HIBCH: variants seen among roughly 807,000 people sequenced by gnomAD.
HIBCH encodes 3-hydroxyisobutyryl-CoA hydrolase, also known as 3-hydroxyisobutyryl-CoA hydrolase, mitochondrial.
HIBCH carries 50 observed loss-of-function variants against 58.2 expected under a neutral mutation model. The ratio of observed to expected loss-of-function variants is 0.86; its 90% CI spans 0.68 to 1.09. The LOEUF is 1.09. Ranked by LOEUF, HIBCH falls within the 50% of genes least tolerant of loss-of-function variation. The pLI is 0.00. For synonymous variants in HIBCH, 151 were observed against 146.9 expected (o/e 1.03, Z -0.20); for missense variants, 450 against 449.7 (o/e 1.00, Z -0.01).
intron 9 of HIBCH, among the ~76,000 whole-genome samples, chr2:190,248,167 T>C (rs576355826): frequency 1.3e-5 from 2 of 152,330 alleles, no homozygotes; most frequent in Admixed American, 6.5e-5. Flanking sequence ...AGTGCCTTTG[T>C]TGTTTGTTTT....
chr2:190,276,696 A>G (rs1286027468), intron 6 of HIBCH, among the ~76,000 whole-genome samples: 1 of 152,190 alleles, frequency 6.6e-6, no homozygotes, highest in Non-Finnish European at 1.5e-5. Flanking sequence ...CCAGAAGCAG[A>G]TGCTAGTGCC....
chr2:190,223,955 G>A (rs555955280), intron 11 of HIBCH, among the ~76,000 whole-genome samples: 1 of 152,302 alleles, frequency 6.6e-6, no homozygotes, highest in East Asian at 1.9e-4. Flanking sequence ...GCAGGGCGGG[G>A]GATCGCCTCA....
chr2:190,278,965 T>A (rs1357081943), intron 6 of HIBCH, among the ~76,000 whole-genome samples: 1 of 152,212 alleles, frequency 6.6e-6, no homozygotes, highest in Non-Finnish European at 1.5e-5. Context: ...AAGTTTTCTG[T>A]TGCTGTAACT....
At chr2:190,307,602 G>A (rs1331673846) in intron 2 of HIBCH, among the ~76,000 whole-genome samples, 11 of 152,106 alleles carry the variant, frequency 7.2e-5, no homozygotes, top group Non-Finnish European at 7.4e-5. Flanking sequence ...CTAGGAGTTC[G>A]AGGCTACAGT....
chr2:190,255,124 T>C (rs1052697202), intron 7 of HIBCH, among the ~76,000 whole-genome samples: 2 of 152,184 alleles, frequency 1.3e-5, no homozygotes, highest in African/African-American at 4.8e-5. Context: ...GGTACTACAA[T>C]ATAAATATAA....
At chr2:190,246,386 G>A (rs1234318998) in intron 9 of HIBCH, among the ~76,000 whole-genome samples, 174 bp from the exon 10 acceptor site, 1 of 152,166 alleles carries the variant, frequency 6.6e-6, no homozygotes, top group African/African-American at 2.4e-5. Flanking sequence ...ACAGCATGTA[G>A]AACTCTAGAC....
intron 5 of HIBCH, among the ~76,000 whole-genome samples, chr2:190,289,065 C>T (rs1165222220): frequency 6.6e-6 from 1 of 152,012 alleles, no homozygotes; most frequent in Non-Finnish European, 1.5e-5. Context: ...GAGCCAAGAT[C>T]GCACCACTGC....
intron 1 of HIBCH, among the ~76,000 whole-genome samples, chr2:190,318,106 G>T (rs1370670114): frequency 6.6e-6 from 1 of 152,072 alleles, no homozygotes; most frequent in Non-Finnish European, 1.5e-5. Context: ...GATTACAGGT[G>T]TGAGCCCCCG....
chr2:190,245,381 G>C (rs1686576991), intron 10 of HIBCH: 1 of 164,994 alleles, frequency 6.1e-6, no homozygotes, highest in Admixed American at 5.9e-5. Context: ...CTTCAGAGAA[G>C]ATGAATTTAA....
At chr2:190,308,552 G>A (rs1688475341) in intron 2 of HIBCH, among the ~76,000 whole-genome samples, 1 of 152,138 alleles carries the variant, frequency 6.6e-6, no homozygotes, top group Non-Finnish European at 1.5e-5. Context: ...AAGAGGAAGA[G>A]GCAGACCTGA....
At chr2:190,300,130 G>C (rs574287824) in intron 2 of HIBCH, among the ~76,000 whole-genome samples, 2 of 152,152 alleles carry the variant, frequency 1.3e-5, no homozygotes, top group African/African-American at 2.4e-5. Context: ...GTGAACATAC[G>C]TGTGCATGTG....
chr2:190,266,584 C>T (rs530435321), intron 6 of HIBCH, among the ~76,000 whole-genome samples: 11 of 152,028 alleles, frequency 7.2e-5, no homozygotes, highest in African/African-American at 2.7e-4. Context: ...CAGATGTGCA[C>T]TGCCACACCC....
chr2:190,198,114 G>A (rs541123261), intron 1 of HIBCH, among the ~76,000 whole-genome samples: 21 of 152,272 alleles, frequency 1.4e-4, no homozygotes, highest in East Asian at 5.8e-4. Context: ...AGTATGCAGC[G>A]TGAAGCAGGG....
rs1350134065 is a variant in HIBCH, at chr2:190,279,281, AT to A, written c.438+8304del. ...AGGCCTCACTTCTTAATACTGTTAC[AT>A]TCAGGATTAAGTTTCAACATGAGTT... On this transcript the variant is annotated intron_variant, in intron 6 of 13. Transcript: ENST00000359678. This position sits in a 1 kb window ranked among gnomAD's most constrained non-coding sequence, Gnocchi z 4.2. 6.6e-6 allele frequency among the ~76,000 whole-genome samples: 1 copy of A among 152,180 alleles called. No homozygotes were observed. The highest frequency in any genetic ancestry group is 2.4e-5 in the African/African-American group (1 of 41,446).
At chr2:190,280,509 G>A (rs1179904797) in intron 6 of HIBCH, among the ~76,000 whole-genome samples, 11 of 152,162 alleles carry the variant, frequency 7.2e-5, no homozygotes, top group Non-Finnish European at 4.4e-5. Context: ...CCTGAAGCTC[G>A]TGATCAGCCG....
Position 190,287,927 on chromosome 2 carries a change from T to C in HIBCH, c.386-289A>G, listed in dbSNP as rs867855948. 2.6e-5 allele frequency among the ~76,000 whole-genome samples: 4 copies of C among 152,018 alleles called. No individual in the cohort carries two copies. The South Asian group carries it at 6.2e-4, about 24-fold the overall frequency. On this transcript the variant is annotated intron_variant, in intron 5 of 13. Coordinates refer to ENST00000359678, the MANE Select transcript of HIBCH (RefSeq NM_014362.4). ...ATCTAACCTCTTTGGGAGGCCAAGG[T>C]GGGAGGATTGCTTGAGGTCAGCAGT...
At chr2:190,190,253 CACT>C (rs1689650643) in intron 1 of HIBCH, among the ~76,000 whole-genome samples, 1 of 152,154 alleles carries the variant, frequency 6.6e-6, no homozygotes, top group Admixed American at 6.5e-5. Flanking sequence ...CAAAGGGAAT[CACT>C]ACTATGATTT....
chr2:190,251,513 G>GT (rs1158428559), intron 8 of HIBCH: 2 of 447,204 alleles, frequency 4.5e-6, no homozygotes, highest in Non-Finnish European at 9.2e-6. Flanking sequence ...TCTGCCACAT[G>GT]TAACACAAGG....
downstream of HIBCH, chr2:190,202,077 T>C (rs1053441274): frequency 1.3e-4 from 22 of 167,004 alleles, no homozygotes; most frequent in Non-Finnish European, 2.8e-4. Flanking sequence ...CAAGTGAGTT[T>C]TGGTTGTATC....
Sources: gnomAD v4.1 joint callset for allele counts (sites outside exome capture counted in the v4.1 genomes callset) on GRCh38, gnomAD v4.1.1 for gene constraint, Gnocchi (gnomAD v3.1) non-coding constraint, MANE v1.5 for transcripts, NCBI Gene and HGNC (gene_info 2026-07-23, HGNC 2026-07-21) for gene names.